Variants in NREP observed in about 807,000 individuals in gnomAD.
NREP encodes the protein neuronal regeneration-related protein.
In NREP, 5 loss-of-function variants were observed where a neutral mutation model predicts 8.6. The observed-to-expected ratio is 0.58, with a 90% CI of 0.30 to 1.22. NREP has a LOEUF of 1.22. NREP is among the 50% of genes most tolerant of loss of function. NREP has a pLI of 0.07. For missense variants in NREP, 86 were observed against 82.5 expected, an observed-to-expected ratio of 1.04 and a Z score of -0.17; for synonymous variants, 27 against 28.0, an observed-to-expected ratio of 0.96 and a Z score of 0.11.
At position 111,776,029 on chromosome 5, in the gene NREP, C is replaced by T. The variant is rs1751348856; in HGVS notation, c.136-40522G>A. Among the ~76,000 whole-genome samples, 2 of 152,110 alleles carry T rather than the reference C, an allele frequency of 1.3e-5. 1 individual carries two copies. The highest frequency in any genetic ancestry group is 1.3e-4 in the Admixed American group (2 of 15,258). On this transcript the variant is annotated intron_variant, in intron 2 of 3. Transcript: ENST00000395634. ...ATGTAATTTATAACTACTGGATTAA[C>T]AAGTTTAAAACATTTGATGATTTAC...
At chr5:111,783,013 G>A (rs142022211) in intron 2 of NREP, among the ~76,000 whole-genome samples, 2 of 152,180 alleles carry the variant, frequency 1.3e-5, no homozygotes, top group East Asian at 3.9e-4. Context: ...GATTACAGGT[G>A]TGAGTCACTG....
intron 2 of NREP, among the ~76,000 whole-genome samples, chr5:111,781,624 G>A (rs957703122): frequency 2.0e-5 from 3 of 152,138 alleles, no homozygotes; most frequent in African/African-American, 7.2e-5. Flanking sequence ...AATTTGTTAT[G>A]CTACATTAAA....
intron 2 of NREP, among the ~76,000 whole-genome samples, chr5:111,947,194 T>A (rs2112627416): frequency 6.6e-6 from 1 of 152,178 alleles, no homozygotes; most frequent in East Asian, 1.9e-4. Context: ...TAGTTGTCTG[T>A]ACACAGTAGC....
chr5:111,737,312 G>A (rs987269355), intron 2 of NREP, among the ~76,000 whole-genome samples: 5 of 152,146 alleles, frequency 3.3e-5, no homozygotes, highest in Non-Finnish European at 7.3e-5. Flanking sequence ...AACTTTAGGG[G>A]ACCCCAAGTT....
At chr5:111,899,098 A>G (rs962553517) in intron 2 of NREP, among the ~76,000 whole-genome samples, 21 of 152,218 alleles carry the variant, frequency 1.4e-4, no homozygotes, top group African/African-American at 4.8e-4. Flanking sequence ...AGGCAGTGCT[A>G]TATCTGGAAG....
intron 2 of NREP, among the ~76,000 whole-genome samples, chr5:111,917,532 C>G (rs972986206): frequency 3.3e-5 from 5 of 152,168 alleles, no homozygotes; most frequent in Non-Finnish European, 5.9e-5. Flanking sequence ...AGCTTCCTCC[C>G]TGGGATGCAA....
At chr5:111,925,241 T>C (rs1352213649) in intron 2 of NREP, among the ~76,000 whole-genome samples, 1 of 141,588 alleles carries the variant, frequency 7.1e-6, no homozygotes, top group African/African-American at 2.5e-5. Context: ...TGCTGGAGCA[T>C]TTGGGAGACC....
At chr5:111,769,030 T>G (rs1394398443) in intron 2 of NREP, among the ~76,000 whole-genome samples, 1 of 152,342 alleles carries the variant, frequency 6.6e-6, no homozygotes, top group East Asian at 1.9e-4. Flanking sequence ...ATCTGTTGTT[T>G]TTTTTGACTT....
intron 2 of NREP, among the ~76,000 whole-genome samples, chr5:111,960,036 CAG>C (rs1268617937): frequency 1.3e-5 from 2 of 151,998 alleles, no homozygotes; most frequent in Non-Finnish European, 2.9e-5. Context: ...ATGAAGAAAT[CAG>C]AGTCAAGTTT....
chr5:111,947,082 T>G (rs1399263195), intron 2 of NREP, among the ~76,000 whole-genome samples: 1 of 152,078 alleles, frequency 6.6e-6, no homozygotes, highest in Non-Finnish European at 1.5e-5. Flanking sequence ...TTTCACGTTC[T>G]TAACAAAAAT....
chr5:111,791,733 A>G (rs534792249), intron 2 of NREP, among the ~76,000 whole-genome samples: 61 of 152,304 alleles, frequency 4.0e-4, no homozygotes, highest in Non-Finnish European at 7.4e-4. Flanking sequence ...TCCGCCTCCC[A>G]AAGTGTTGGG....
chr5:111,853,106 TAA>T (rs1561694584), intron 2 of NREP, among the ~76,000 whole-genome samples: 1 of 152,092 alleles, frequency 6.6e-6, no homozygotes, highest in Non-Finnish European at 1.5e-5. Context: ...ACTGTATACT[TAA>T]AAAGAGTTAA....
intron 2 of NREP, among the ~76,000 whole-genome samples, chr5:111,770,916 C>A (rs1561659871): frequency 6.6e-6 from 1 of 152,078 alleles, no homozygotes. Context: ...AGAAGAAGAG[C>A]TCCAGCTTAA....
At chr5:111,925,968 T>A (rs1755372448) in intron 2 of NREP, among the ~76,000 whole-genome samples, 1 of 152,184 alleles carries the variant, frequency 6.6e-6, no homozygotes, top group Admixed American at 6.5e-5. Context: ...CCTGAATTTT[T>A]CTGCTGCCTG....
intron 2 of NREP, among the ~76,000 whole-genome samples, chr5:111,923,003 G>A (rs1755288780): frequency 6.6e-6 from 1 of 152,124 alleles, no homozygotes; most frequent in Non-Finnish European, 1.5e-5. Flanking sequence ...ATGCATTACT[G>A]CTACTTCTTC....
intron 2 of NREP, among the ~76,000 whole-genome samples, chr5:111,836,239 A>G (rs1230753745): frequency 6.6e-6 from 1 of 152,148 alleles, no homozygotes; most frequent in Non-Finnish European, 1.5e-5. Context: ...TGAATGAATT[A>G]AACACTGCCC....
At chr5:111,731,694 T>A (rs964245890) in intron 3 of NREP, 2 of 151,930 alleles carry the variant, frequency 1.3e-5, no homozygotes, top group Non-Finnish European at 2.9e-5. Flanking sequence ...CAGAAGAGAG[T>A]GAGATTCAGC....
intron 2 of NREP, among the ~76,000 whole-genome samples, chr5:111,750,264 C>A (rs78865129): frequency 2.1e-4 from 32 of 152,238 alleles, no homozygotes; most frequent in South Asian, 1.2e-3. Context: ...CTAAATCTAC[C>A]CAAATATTCT....
rs530902826 is a variant in NREP, at chr5:111,862,772, C to G, written c.135+112502G>C. Among the ~76,000 whole-genome samples, 5 of 151,656 alleles carry G rather than the reference C, an allele frequency of 3.3e-5. No individual in the cohort carries two copies. The East Asian group carries it at 9.7e-4, about 29-fold the overall frequency. ...CTACTAAAGACGACAGACAAAACTA[C>G]CCATGGCATTATTATTTGCTTATAA... is the stretch of plus-strand genomic sequence containing the variant. On this transcript the variant is annotated intron_variant, in intron 2 of 3. Transcript: ENST00000395634.
Sources: allele counts gnomAD v4.1 joint callset (sites outside exome capture counted in the v4.1 genomes callset), GRCh38; gene constraint gnomAD v4.1.1; transcripts MANE v1.5; gene names NCBI Gene and HGNC (gene_info 2026-07-23, HGNC 2026-07-21).